The following COLGALT2 variants were observed in gnomAD, a reference collection of about 807,000 sequenced individuals.
COLGALT2 encodes the protein collagen beta(1-O)galactosyltransferase 2.
In COLGALT2, 49 loss-of-function variants were observed where a neutral mutation model predicts 73.4. The observed-to-expected ratio is 0.67, with a 90% CI of 0.53 to 0.85. The LOEUF (loss-of-function observed/expected upper bound fraction) is 0.85, where lower values mean the gene tolerates loss of function less well. Among genes scored for constraint, COLGALT2 ranks in the 40% least tolerant of loss-of-function variants. The pLI is 0.00. For synonymous variants in COLGALT2, 295 were observed against 307.6 expected (o/e 0.96, Z 0.43); for missense variants, 722 against 790.2 (o/e 0.91, Z 1.03).
intron 1 of COLGALT2, among the ~76,000 whole-genome samples, chr1:183,998,106 T>C (rs1158621815): frequency 1.3e-5 from 2 of 152,220 alleles, no homozygotes; most frequent in East Asian, 1.9e-4. Flanking sequence ...GTTGCACCAA[T>C]TGATAGTCCC....
chr1:183,945,539 C>T lies in COLGALT2; in HGVS notation c.1162G>A (p.Ala388Thr). The T allele has an allele frequency of 6.2e-7, 1 of 1,614,172 alleles. No individual in the cohort carries two copies. Among genetic ancestry groups the T allele is most frequent in the Non-Finnish European group, 8.5e-7 (1 of 1,180,034 alleles). ...CCAGGCAGCATTTCAATATTCAGTG[C>T]CTTCAGCTGGCTTGTGTTGAGTGCC... ...GKALNTSQLK[A>T]LNIEMLPGYR... Residue 388 changes from alanine to threonine, a missense_variant, in exon 9 of 12, where the codon GCA (alanine) becomes ACA (threonine). Coordinates refer to ENST00000361927, the MANE Select transcript of COLGALT2 (RefSeq NM_015101.4).
In COLGALT2 at chr1:183,975,861, C is replaced by T. The variant is rs557978325; in HGVS notation, c.375-647G>A. ...CCCTTCTGAAGGCACCCAGCTGGCA[C>T]GGACATTGATACTGTTGCAGTAACC... is the stretch of plus-strand genomic sequence containing the variant. On this transcript the variant is annotated intron_variant, in intron 2 of 11. Transcript: ENST00000361927. Among the ~76,000 whole-genome samples the T allele has an allele frequency of 4.6e-5, 7 of 152,306 alleles. No individual in the cohort carries two copies. In the East Asian group the frequency reaches 5.8e-4, roughly 13 times the overall value.
At chr1:183,961,672 C>G (rs3949865) in intron 6 of COLGALT2, among the ~76,000 whole-genome samples, 69,875 of 152,016 alleles carry the variant, frequency 0.46, 17,145 homozygotes, top group African/African-American at 0.65. Context: ...CCATTATTCT[C>G]GCTTTGGGTT....
At chr1:183,969,143 G>T in intron 5 of COLGALT2, 126 bp downstream of exon 5, 1 of 759,800 alleles carries the variant, frequency 1.3e-6, no homozygotes, top group African/African-American at 1.8e-5. Context: ...GGTTATTGCA[G>T]ACAATTTACT....
At chr1:184,018,573 A>T (rs1649078056) in intron 1 of COLGALT2, among the ~76,000 whole-genome samples, 1 of 152,146 alleles carries the variant, frequency 6.6e-6, no homozygotes, top group African/African-American at 2.4e-5. Context: ...TTCATAGGAA[A>T]TTTTTTCATT....
chr1:183,930,128 C>A, exon 12 of COLGALT2: 1 of 448,594 alleles, frequency 2.2e-6, no homozygotes, highest in Non-Finnish European at 4.5e-6. Context: ...GATGTGAGTA[C>A]AGGGGAGGTG....
rs189804393 is a variant in COLGALT2, at chr1:183,937,915, C to T, written c.*846G>A. On this transcript the variant is annotated 3_prime_UTR_variant, in exon 12 of 12. Coordinates refer to ENST00000361927, the MANE Select transcript of COLGALT2 (RefSeq NM_015101.4). ...CGGAGAGCGTGAAGCTCTGTAGCAGCGCGCAAACCCGGGACAGGGCAGGAT... is the reference window on the plus strand; with the variant it reads ...CGGAGAGCGTGAAGCTCTGTAGCAGTGCGCAAACCCGGGACAGGGCAGGAT... 4.7e-5 allele frequency: 46 copies of T among 985,420 alleles called. No individual in the cohort carries two copies. The African/African-American group carries it at 6.3e-4, about 13-fold the overall frequency. 61.0% of individuals were successfully genotyped at this position (985,420 alleles called of 1,614,324 possible).
At chr1:183,958,771 T>TA (rs1208722777) in intron 6 of COLGALT2, among the ~76,000 whole-genome samples, 1 of 150,324 alleles carries the variant, frequency 6.7e-6, no homozygotes, top group African/African-American at 2.5e-5. Flanking sequence ...GTTTTCACCT[T>TA]ATAATTACCT....
downstream of COLGALT2, among the ~76,000 whole-genome samples, chr1:183,933,715 A>C (rs1247588898): frequency 6.6e-6 from 1 of 152,218 alleles, no homozygotes; most frequent in Non-Finnish European, 1.5e-5. Context: ...CCCGTGGAAT[A>C]GGAAACCCCC....
In COLGALT2 at chr1:183,938,211, A is replaced by G. The variant is rs75067855; in HGVS notation, c.*550T>C. The stretch of plus-strand genomic sequence containing the variant: ...CAGGGACTAAGATTTTTTTTTTTTA[A>G]AAAATCTACTTTTCAATAAGACTTG... On this transcript the variant is annotated 3_prime_UTR_variant, in exon 12 of 12. Coordinates refer to ENST00000361927, the MANE Select transcript of COLGALT2 (RefSeq NM_015101.4). The G allele has an allele frequency of 1.2e-6, 1 of 814,590 alleles. No individual in the cohort carries two copies. Among genetic ancestry groups the G allele is most frequent in the East Asian group, 1.3e-4 (1 of 7,978 alleles). The allele number at this position is 814,590 out of a possible 1,614,324, so 50.5% of individuals were successfully genotyped here.
intron 1 of COLGALT2, among the ~76,000 whole-genome samples, chr1:184,000,825 A>AT (rs149091262): frequency 0.031 from 3,458 of 113,202 alleles, 147 homozygotes; most frequent in African/African-American, 0.057. Context: ...TCAGCCCCCC[A>AT]TTTTTTTTTT....
At chr1:184,015,918 G>A (rs748852115) in intron 1 of COLGALT2, among the ~76,000 whole-genome samples, 4 of 152,218 alleles carry the variant, frequency 2.6e-5, no homozygotes, top group Non-Finnish European at 4.4e-5. Context: ...CTAATTCACT[G>A]TAATTTATTG....
At chr1:184,006,372 G>A (rs994813198) in intron 1 of COLGALT2, among the ~76,000 whole-genome samples, 2 of 152,054 alleles carry the variant, frequency 1.3e-5, no homozygotes, top group African/African-American at 4.8e-5. Flanking sequence ...ATCACCTGAG[G>A]TCGGGAGTTG....
At position 184,037,637 on chromosome 1, in the gene COLGALT2, G is replaced by A; in HGVS notation, c.-280C>T. 1 of 1,049,692 alleles carries A rather than the reference G, an allele frequency of 9.5e-7. No individual in the cohort carries two copies. Among genetic ancestry groups the A allele is most frequent in the Non-Finnish European group, 1.1e-6 (1 of 872,446 alleles). 65.0% of individuals were successfully genotyped at this position (1,049,692 alleles called of 1,614,324 possible). A position where few individuals can be genotyped will look rare whatever the true frequency, so the allele number is the denominator to read the frequency against. Reference sequence around the variant, plus strand: ...GCTCGCAGACAGTAGTGGCCGAGGGGCTGTGTGCCCTGAGTCCTGAGGAAA... The same window carrying A: ...GCTCGCAGACAGTAGTGGCCGAGGGACTGTGTGCCCTGAGTCCTGAGGAAA... On this transcript the variant is annotated 5_prime_UTR_variant, in exon 1 of 12. Coordinates refer to ENST00000361927, the MANE Select transcript of COLGALT2 (RefSeq NM_015101.4).
chr1:183,946,376 G>T (rs1670249644), intron 8 of COLGALT2: 1 of 152,134 alleles, frequency 6.6e-6, no homozygotes, highest in African/African-American at 2.4e-5. Flanking sequence ...AATCTAGAAG[G>T]CCCCAGGCAT....
rs111467167 is a variant in COLGALT2, at chr1:183,975,111, A to C, written c.478T>G (p.Ser160Ala). The C allele has an allele frequency of 4.0e-4, 645 of 1,612,708 alleles. 3 individuals are homozygous for C. In the African/African-American group the frequency reaches 7.3e-3, roughly 18 times the overall value. The change falls in exon 3 of 12, where the codon TCA becomes GCA. Residue 160 changes from serine (S) to alanine (A), a missense_variant. Coordinates refer to ENST00000361927, the MANE Select transcript of COLGALT2 (RefSeq NM_015101.4). ...TCTGTTTTTACCAGAATGTAGTCTG[A>C]CCATTTTTCCCTCGCAGTTCGAAGG... The part of the protein sequence containing the change: ...AALRTAREKW[S>A]DYILFIDVDN...
chr1:183,937,111 C>T lies in COLGALT2; in HGVS notation c.*1650G>A, dbSNP rs11583641. ...TCTGGCTTAAAGTGTATCTTACACT[C>T]GTACACTAAGCTTGTGTATGTAGCA... On this transcript the variant is annotated 3_prime_UTR_variant, in exon 12 of 12. Coordinates refer to ENST00000361927, the MANE Select transcript of COLGALT2 (RefSeq NM_015101.4). 0.26 allele frequency: 317,033 copies of T among 1,229,986 alleles called. 42,456 individuals are homozygous for T. The highest frequency in any genetic ancestry group is 0.27 in the Non-Finnish European group (268,429 of 987,354). The allele number at this position is 1,229,986 out of a possible 1,614,324, so 76.2% of individuals were successfully genotyped here. A position where few individuals can be genotyped will look rare whatever the true frequency, so the allele number is the denominator to read the frequency against.
chr1:183,971,756 A>G (rs1280011208), intron 4 of COLGALT2, among the ~76,000 whole-genome samples: 1 of 152,242 alleles, frequency 6.6e-6, no homozygotes, highest in African/African-American at 2.4e-5. Context: ...AAGTTTGCAA[A>G]CCAGTTGACA....
At position 183,984,715 on chromosome 1, in the gene COLGALT2, C is replaced by G. The variant is rs141298602; in HGVS notation, c.264-6195G>C. Among the ~76,000 whole-genome samples, 720 of 152,326 alleles carry G rather than the reference C, an allele frequency of 4.7e-3. 6 individuals are homozygous for G. The highest frequency in any genetic ancestry group is 0.017 in the African/African-American group (690 of 41,570). On this transcript the variant is annotated intron_variant, in intron 1 of 11. Coordinates refer to ENST00000361927, the MANE Select transcript of COLGALT2 (RefSeq NM_015101.4). ...ACACTGGCCACCTCTTACCCTAATGCTGCCCATCTGCTTTCCCTCTGATTC... is the reference window on the plus strand; with the variant it reads ...ACACTGGCCACCTCTTACCCTAATGGTGCCCATCTGCTTTCCCTCTGATTC...
Sources: allele counts gnomAD v4.1 joint callset (sites outside exome capture counted in the v4.1 genomes callset), GRCh38; gene constraint gnomAD v4.1.1; transcripts MANE v1.5; gene names NCBI Gene and HGNC (gene_info 2026-07-23, HGNC 2026-07-21).